The following TAF3 variants were observed in gnomAD, a reference collection of about 807,000 sequenced individuals.
TAF3 encodes the protein transcription initiation factor TFIID subunit 3.
Under a neutral mutation model 80.6 loss-of-function variants are expected in TAF3, and 7 were observed. The observed-to-expected ratio is 0.09, with a 90% CI of 0.05 to 0.16. The LOEUF is 0.16. TAF3 is among the 10% of genes least tolerant of loss of function. The probability of loss-of-function intolerance (pLI) is 1.00; values close to 1 mark genes in which losing one functional copy is unlikely to be tolerated. For missense variants in TAF3, 921 were observed against 1,140.2 expected (o/e 0.81, Z 2.77); for synonymous variants, 444 against 446.1 (o/e 1.00, Z 0.06).
rs145674045 is a variant in TAF3, at chr10:7,997,545, G to A, written c.2316-11533G>A. Among the ~76,000 whole-genome samples, 20 of 152,308 alleles carry A rather than the reference G, an allele frequency of 1.3e-4. 1 individual carries two copies. The highest frequency in any genetic ancestry group is 3.9e-4 in the Admixed American group (6 of 15,302). ...ATGACCCATTCTATTTATGTCACTG[G>A]TTTGTGGTGGGGAAACAGGTAAAGA... On this transcript the variant is annotated intron_variant, in intron 4 of 6. Transcript: ENST00000344293.
intron 2 of TAF3, among the ~76,000 whole-genome samples, chr10:7,891,286 C>T (rs568171222): frequency 6.6e-6 from 1 of 152,060 alleles, no homozygotes; most frequent in South Asian, 2.1e-4. Context: ...TTTGCTTTTA[C>T]CTTGAGGTAC....
intron 2 of TAF3, among the ~76,000 whole-genome samples, chr10:7,963,585 C>T (rs147378800): frequency 1.6e-3 from 236 of 152,114 alleles, no homozygotes; most frequent in African/African-American, 5.4e-3. Flanking sequence ...CATGTTCTCA[C>T]TCATAAGTGG....
At chr10:7,905,937 A>G (rs1837605243) in intron 2 of TAF3, among the ~76,000 whole-genome samples, 2 of 152,210 alleles carry the variant, frequency 1.3e-5, no homozygotes, top group African/African-American at 4.8e-5. Flanking sequence ...TTTATCAAAT[A>G]TATGGTAAAT....
At chr10:7,940,997 A>G (rs1474184449) in intron 2 of TAF3, among the ~76,000 whole-genome samples, 2 of 152,034 alleles carry the variant, frequency 1.3e-5, no homozygotes, top group African/African-American at 4.8e-5. Flanking sequence ...AAAAGAAAAC[A>G]ATATAAAATA....
intron 2 of TAF3, among the ~76,000 whole-genome samples, chr10:7,902,307 C>T (rs1837565619): frequency 6.6e-6 from 1 of 152,040 alleles, no homozygotes; most frequent in Admixed American, 6.6e-5. Flanking sequence ...TCTGTAATCC[C>T]AACTACTCGG....
chr10:7,994,969 CAAAAAAAGAAAAAAAAAAA>C (rs1363913243), intron 4 of TAF3, among the ~76,000 whole-genome samples: 5 of 56,186 alleles, frequency 8.9e-5, no homozygotes, highest in Non-Finnish European at 1.5e-4. Flanking sequence ...GACTCCGTCT[CAAAAAAAGAAAAAAAAAAA>C]AAAAAAAGAA....
intron 4 of TAF3, among the ~76,000 whole-genome samples, chr10:8,001,395 G>T (rs917301048): frequency 6.6e-5 from 10 of 151,990 alleles, no homozygotes; most frequent in Non-Finnish European, 1.3e-4. Context: ...GCTGGTTTTG[G>T]TTTTTTTATT....
chr10:7,838,423 C>T (rs1836874138), intron 2 of TAF3, among the ~76,000 whole-genome samples: 1 of 152,022 alleles, frequency 6.6e-6, no homozygotes, highest in Admixed American at 6.6e-5. Context: ...ACTCTGTTGC[C>T]CAGGCCAGAG....
intron 4 of TAF3, among the ~76,000 whole-genome samples, chr10:7,982,506 C>G (rs1442966174): frequency 6.6e-6 from 1 of 152,150 alleles, no homozygotes; most frequent in South Asian, 2.1e-4. Context: ...TCAAGTGATT[C>G]TCCGGCCTAA....
At chr10:7,840,222 G>A (rs1170207628) in intron 2 of TAF3, among the ~76,000 whole-genome samples, 1 of 150,096 alleles carries the variant, frequency 6.7e-6, no homozygotes, top group East Asian at 2.0e-4. Flanking sequence ...GCGCCATCTC[G>A]GCTCACTGCA....
chr10:7,841,788 C>T (rs909524459), intron 2 of TAF3, among the ~76,000 whole-genome samples: 1 of 152,112 alleles, frequency 6.6e-6, no homozygotes. Flanking sequence ...TCTAAATATC[C>T]AGATCTTAAA....
At chr10:7,953,249 A>G (rs1268861422) in intron 2 of TAF3, among the ~76,000 whole-genome samples, 4 of 152,210 alleles carry the variant, frequency 2.6e-5, no homozygotes, top group Non-Finnish European at 5.9e-5. Context: ...TCATGGTCTT[A>G]AAAATATTTT....
chr10:7,905,192 C>T (rs567319162), intron 2 of TAF3, among the ~76,000 whole-genome samples: 23 of 152,208 alleles, frequency 1.5e-4, no homozygotes, highest in Admixed American at 3.9e-4. Flanking sequence ...ATACACCCTA[C>T]GTTAGAGTTT....
At chr10:7,968,545 C>G (rs1341892579) in intron 3 of TAF3, among the ~76,000 whole-genome samples, 1 of 152,156 alleles carries the variant, frequency 6.6e-6, no homozygotes, top group Non-Finnish European at 1.5e-5. Flanking sequence ...ATGATAAGAA[C>G]ACTAAAAACA....
At chr10:8,006,945 A>G (rs1176376334) in intron 4 of TAF3, among the ~76,000 whole-genome samples, 1 of 152,228 alleles carries the variant, frequency 6.6e-6, no homozygotes, top group East Asian at 1.9e-4. Flanking sequence ...TTGCTGAGAA[A>G]AACAAGGCCT....
chr10:7,955,681 CT>C (rs1838127986), intron 2 of TAF3, among the ~76,000 whole-genome samples: 1 of 152,178 alleles, frequency 6.6e-6, no homozygotes, highest in African/African-American at 2.4e-5. Context: ...ATATTTTGTT[CT>C]AAGTCAATAT....
intron 2 of TAF3, among the ~76,000 whole-genome samples, chr10:7,839,259 C>A (rs192044081): frequency 1.6e-4 from 24 of 152,290 alleles, no homozygotes; most frequent in Non-Finnish European, 2.9e-5. Context: ...ATATATATCT[C>A]TACCATCATA....
intron 6 of TAF3, among the ~76,000 whole-genome samples, chr10:8,014,278 G>A (rs1485529179): frequency 1.3e-5 from 2 of 152,142 alleles, no homozygotes; most frequent in African/African-American, 4.8e-5. Context: ...AGCTCAACCA[G>A]AATTTATGCA....
intron 4 of TAF3, among the ~76,000 whole-genome samples, chr10:8,006,923 CT>C (rs1199990809): frequency 6.6e-6 from 1 of 152,176 alleles, no homozygotes; most frequent in African/African-American, 2.4e-5. Flanking sequence ...CACTGCATTT[CT>C]TTTCACTTTG....
Sources: allele counts gnomAD v4.1 joint callset (sites outside exome capture counted in the v4.1 genomes callset), GRCh38; gene constraint gnomAD v4.1.1; transcripts MANE v1.5; gene names NCBI Gene and HGNC (gene_info 2026-07-23, HGNC 2026-07-21).